Variants in CHRM3 observed in about 807,000 individuals in gnomAD.
CHRM3 encodes muscarinic acetylcholine receptor M3.
Under a neutral mutation model 41.8 loss-of-function variants are expected in CHRM3, and 11 were observed. That is an observed-to-expected ratio of 0.26 (90% CI 0.17 to 0.44). The LOEUF (loss-of-function observed/expected upper bound fraction) is 0.44, where lower values mean the gene tolerates loss of function less well. Among genes scored for constraint, CHRM3 ranks in the 20% least tolerant of loss-of-function variants. The pLI, the probability that CHRM3 is intolerant of heterozygous loss-of-function variation, is 1.00. For synonymous variants in CHRM3, 297 were observed against 301.4 expected (o/e 0.99, Z 0.15); for missense variants, 571 against 745.4 (o/e 0.77, Z 2.72).
rs530160998 is a variant in CHRM3 at position 239,846,156 on chromosome 1, A to C, written c.-20+18778A>C. On this transcript the variant is annotated intron_variant, in intron 6 of 6. Coordinates refer to ENST00000676153, the MANE Select transcript of CHRM3 (RefSeq NM_001375978.1). Reference sequence around the variant, plus strand: ...CTGGGCCAGGGCTTTTGTGGATACCATAAATTTGTGCTTTGTTTCCGTGTG... The same window carrying C: ...CTGGGCCAGGGCTTTTGTGGATACCCTAAATTTGTGCTTTGTTTCCGTGTG... Among the ~76,000 whole-genome samples the C allele has an allele frequency of 1.3e-5, 2 of 152,072 alleles. 1 individual carries two copies. The highest frequency in any genetic ancestry group is 4.1e-4 in the South Asian group (2 of 4,822).
intron 6 of CHRM3, among the ~76,000 whole-genome samples, chr1:239,871,021 T>C (rs1460368747): frequency 6.6e-6 from 1 of 151,968 alleles, no homozygotes; most frequent in Non-Finnish European, 1.5e-5. Flanking sequence ...ATCCCAACAG[T>C]GTCCTCGCTT....
At chr1:239,522,576 A>G (rs1669725326) in intron 2 of CHRM3, among the ~76,000 whole-genome samples, 3 of 152,250 alleles carry the variant, frequency 2.0e-5, no homozygotes, top group African/African-American at 7.2e-5. Flanking sequence ...AATAATAGGT[A>G]GCAGACACTG....
At chr1:239,508,985 T>C (rs1447589447) in intron 2 of CHRM3, among the ~76,000 whole-genome samples, 4 of 152,180 alleles carry the variant, frequency 2.6e-5, no homozygotes, top group Non-Finnish European at 5.9e-5. Context: ...TCCAAATAAA[T>C]ATACTGGATA....
chr1:239,774,601 A>G (rs796353150), intron 5 of CHRM3, among the ~76,000 whole-genome samples: 7 of 151,320 alleles, frequency 4.6e-5, no homozygotes, highest in African/African-American at 1.7e-4. Context: ...TTCATTAAAT[A>G]AAATAATGAG....
At chr1:239,488,914 A>T in intron 1 of CHRM3, among the ~76,000 whole-genome samples, 1 of 152,096 alleles carries the variant, frequency 6.6e-6, no homozygotes, top group Admixed American at 6.6e-5. Flanking sequence ...TGAGAAACTA[A>T]TGTCAGTAGT....
intron 1 of CHRM3, among the ~76,000 whole-genome samples, chr1:239,456,670 G>A (rs1265525921): frequency 1.3e-5 from 2 of 152,162 alleles, no homozygotes; most frequent in African/African-American, 4.8e-5. Context: ...TGGCCCAATT[G>A]GGGTACCCTG....
chr1:239,708,736 C>CTTTTTTTTTTTTTTTTTTTTTTTTTTT (rs869143310), intron 5 of CHRM3, among the ~76,000 whole-genome samples: 1 of 48,294 alleles, frequency 2.1e-5, no homozygotes, highest in Non-Finnish European at 3.5e-5. Context: ...TTTAAATTTT[C>CTTTTTTTTTTTTTTTTTTTTTTTTTTT]TTTTTTTTTT....
At chr1:239,728,057 CT>C (rs907435971) in intron 5 of CHRM3, among the ~76,000 whole-genome samples, 3 of 152,072 alleles carry the variant, frequency 2.0e-5, no homozygotes, top group East Asian at 1.9e-4. Context: ...TGTAAACTAC[CT>C]TTTTGCCCAT....
intron 6 of CHRM3, among the ~76,000 whole-genome samples, chr1:239,864,277 C>T (rs887912550): frequency 3.3e-5 from 5 of 152,040 alleles, no homozygotes; most frequent in African/African-American, 4.8e-5. Flanking sequence ...GAGGCTGAGG[C>T]GGGCAGATCA....
chr1:239,422,288 A>C (rs1022193758), intron 1 of CHRM3, among the ~76,000 whole-genome samples: 1 of 152,198 alleles, frequency 6.6e-6, no homozygotes, highest in African/African-American at 2.4e-5. Context: ...GCAGTAACTT[A>C]ATGTCTTAGG....
chr1:239,839,865 A>C (rs1673645396), intron 6 of CHRM3, among the ~76,000 whole-genome samples: 1 of 152,124 alleles, frequency 6.6e-6, no homozygotes, highest in Non-Finnish European at 1.5e-5. Flanking sequence ...GTAGAAGTGA[A>C]GGAAAGAAAG....
At chr1:239,758,101 T>G (rs989423619) in intron 5 of CHRM3, among the ~76,000 whole-genome samples, 5 of 152,222 alleles carry the variant, frequency 3.3e-5, no homozygotes, top group Non-Finnish European at 7.3e-5. Context: ...ACAACTCTCC[T>G]GCACTTAGCA....
At chr1:239,466,018 G>C (rs928260844) in intron 1 of CHRM3, among the ~76,000 whole-genome samples, 1 of 152,066 alleles carries the variant, frequency 6.6e-6, no homozygotes, top group Non-Finnish European at 1.5e-5. Flanking sequence ...TCCTGAGACA[G>C]AGTCTCTCTT....
chr1:239,523,866 A>G (rs959525134), intron 2 of CHRM3, among the ~76,000 whole-genome samples: 1 of 152,206 alleles, frequency 6.6e-6, no homozygotes, highest in Non-Finnish European at 1.5e-5. Flanking sequence ...TTACAATCAG[A>G]AAAGGAGTTG....
At chr1:239,627,665 G>A (rs1218749132) in intron 3 of CHRM3, among the ~76,000 whole-genome samples, 27 of 142,592 alleles carry the variant, frequency 1.9e-4, no homozygotes, top group South Asian at 1.2e-3. Flanking sequence ...CATGTTTAGC[G>A]CTTCCTTCAG....
At chr1:239,595,285 T>G (rs1283128614) in intron 3 of CHRM3, among the ~76,000 whole-genome samples, 2 of 152,168 alleles carry the variant, frequency 1.3e-5, no homozygotes, top group Non-Finnish European at 2.9e-5. Flanking sequence ...ATTATACCAT[T>G]TTATATCACG....
intron 5 of CHRM3, among the ~76,000 whole-genome samples, chr1:239,767,017 A>G (rs546726423): frequency 3.3e-5 from 5 of 152,116 alleles, no homozygotes; most frequent in Admixed American, 6.6e-5. Flanking sequence ...TGGCCTCACC[A>G]TATATATATT....
intron 3 of CHRM3, among the ~76,000 whole-genome samples, chr1:239,628,503 C>T (rs1425785668): frequency 9.9e-5 from 6 of 60,668 alleles, no homozygotes; most frequent in African/African-American, 1.5e-4. Context: ...TCTCTCAGCT[C>T]GTCAAAATCA....
chr1:239,663,193 C>G (rs1311859819), intron 4 of CHRM3, among the ~76,000 whole-genome samples: 2 of 152,034 alleles, frequency 1.3e-5, no homozygotes, highest in Non-Finnish European at 2.9e-5. Flanking sequence ...TCTCCACTCT[C>G]ACCTGCTTTG....
Sources: gnomAD v4.1 joint callset for allele counts (sites outside exome capture counted in the v4.1 genomes callset) on GRCh38, gnomAD v4.1.1 for gene constraint, MANE v1.5 for transcripts, NCBI Gene and HGNC (gene_info 2026-07-23, HGNC 2026-07-21) for gene names.